Variants in ALK observed in about 807,000 individuals in gnomAD.
The protein encoded by ALK is ALK receptor tyrosine kinase.
In ALK, 74 loss-of-function variants were observed where a neutral mutation model predicts 163.1. The observed-to-expected ratio is 0.45, with a 90% CI of 0.38 to 0.55. The LOEUF (loss-of-function observed/expected upper bound fraction) is 0.55, where lower values mean the gene tolerates loss of function less well. Among genes scored for constraint, ALK ranks in the 20% least tolerant of loss-of-function variants. ALK has a pLI of 0.00. For missense variants in ALK, 2,063 were observed against 2,105.3 expected, an observed-to-expected ratio of 0.98 and a Z score of 0.39; for synonymous variants, 960 against 843.2, an observed-to-expected ratio of 1.14 and a Z score of -2.40.
intron 13 of ALK, among the ~76,000 whole-genome samples, chr2:29,234,600 C>T (rs1664319409): frequency 6.6e-6 from 1 of 152,060 alleles, no homozygotes; most frequent in Admixed American, 6.6e-5. Flanking sequence ...CTCCACCCAC[C>T]CTGGGAAACT....
chr2:29,522,715 C>T (rs1299267641), intron 4 of ALK, among the ~76,000 whole-genome samples: 3 of 152,060 alleles, frequency 2.0e-5, no homozygotes, highest in South Asian at 2.1e-4. Context: ...CAAAGAACCC[C>T]CACCCCATCT....
chr2:29,572,281 C>T (rs561763730), intron 3 of ALK, among the ~76,000 whole-genome samples: 2 of 152,304 alleles, frequency 1.3e-5, no homozygotes, highest in African/African-American at 4.8e-5. Flanking sequence ...GTGGAGAGGT[C>T]TTGAGCCCTG....
intron 2 of ALK, among the ~76,000 whole-genome samples, chr2:29,705,247 A>G (rs1356022667): frequency 5.8e-5 from 2 of 34,484 alleles, no homozygotes; most frequent in African/African-American, 3.7e-4. Context: ...AGAAATATAT[A>G]TATATATATA....
At chr2:29,659,347 G>A (rs958327951) in intron 3 of ALK, among the ~76,000 whole-genome samples, 2 of 151,940 alleles carry the variant, frequency 1.3e-5, no homozygotes, top group African/African-American at 2.4e-5. Context: ...AGGAAGGCAA[G>A]TGCATACCAC....
chr2:29,400,783 T>C (rs1018318400), intron 4 of ALK, among the ~76,000 whole-genome samples: 7 of 152,254 alleles, frequency 4.6e-5, no homozygotes, highest in Admixed American at 2.0e-4. Flanking sequence ...GAGACCAGCC[T>C]GACCAACATG....
At chr2:29,832,654 T>G (rs72856213) in intron 1 of ALK, among the ~76,000 whole-genome samples, 5,918 of 152,296 alleles carry the variant, frequency 0.039, 364 homozygotes, top group African/African-American at 0.13. Context: ...TTCAGCACAT[T>G]GGGCAAACCA....
At position 29,700,793 on chromosome 2, in the gene ALK, G is replaced by A. The variant is rs183899440; in HGVS notation, c.788-5779C>T. Among the ~76,000 whole-genome samples, 64 of 152,320 alleles carry A rather than the reference G, an allele frequency of 4.2e-4. No homozygotes were observed. In the East Asian group the frequency reaches 0.012, roughly 28 times the overall value. ...CAGGAAAATGTTGTGGTAAGTATCA[G>A]AAAACCACGGTGGTGACCCTGCCCA... On this transcript the variant is annotated intron_variant, in intron 2 of 28. Coordinates refer to ENST00000389048, the MANE Select transcript of ALK (RefSeq NM_004304.5).
chr2:29,305,033 G>A (rs570640038), intron 8 of ALK, among the ~76,000 whole-genome samples: 2 of 152,306 alleles, frequency 1.3e-5, no homozygotes, highest in South Asian at 4.1e-4. Flanking sequence ...ATTTCTCCAC[G>A]TGTTTCTAAA....
chr2:29,699,305 C>A (rs1029930306), intron 2 of ALK, among the ~76,000 whole-genome samples: 1 of 152,160 alleles, frequency 6.6e-6, no homozygotes, highest in African/African-American at 2.4e-5. Flanking sequence ...CATCACTGTA[C>A]CTCATCTGCA....
At chr2:29,765,268 T>C (rs544105266) in intron 1 of ALK, among the ~76,000 whole-genome samples, 255 of 152,300 alleles carry the variant, frequency 1.7e-3, no homozygotes, top group African/African-American at 6.0e-3. Context: ...CATGACTTTC[T>C]CACCTGAAAA....
chr2:29,558,977 T>C (rs10206197), intron 3 of ALK, among the ~76,000 whole-genome samples: 30,581 of 152,058 alleles, frequency 0.2, 3,635 homozygotes, highest in African/African-American at 0.32. Flanking sequence ...TAATTTTCTG[T>C]CCATATACAC....
intron 3 of ALK, among the ~76,000 whole-genome samples, chr2:29,636,243 G>T (rs568435113): frequency 2.8e-4 from 43 of 151,886 alleles, no homozygotes; most frequent in Non-Finnish European, 5.6e-4. Context: ...CTTGATAAAG[G>T]TACAAAAACA....
At chr2:29,208,374 C>T (rs567480683) in intron 25 of ALK, among the ~76,000 whole-genome samples, 24 of 152,124 alleles carry the variant, frequency 1.6e-4, no homozygotes, top group Non-Finnish European at 2.5e-4. Flanking sequence ...TGGGAGCTGT[C>T]AGAGCTGAGC....
At chr2:29,764,281 G>A (rs1680796443) in intron 1 of ALK, among the ~76,000 whole-genome samples, 1 of 152,138 alleles carries the variant, frequency 6.6e-6, no homozygotes, top group East Asian at 1.9e-4. Context: ...AGCCAGAGAG[G>A]TGCCTGGGGG....
At chr2:29,387,147 G>A (rs1021383205) in intron 4 of ALK, among the ~76,000 whole-genome samples, 1 of 152,122 alleles carries the variant, frequency 6.6e-6, no homozygotes, top group African/African-American at 2.4e-5. Flanking sequence ...TGGACTTTAG[G>A]AAGTCAGGGG....
At chr2:29,252,512 G>A (rs900190681) in intron 11 of ALK, among the ~76,000 whole-genome samples, 7 of 152,144 alleles carry the variant, frequency 4.6e-5, no homozygotes, top group Admixed American at 2.6e-4. Flanking sequence ...TTGGGTTGCC[G>A]ATTATAAGCA....
intron 4 of ALK, among the ~76,000 whole-genome samples, chr2:29,483,553 C>CA (rs1305675972): frequency 6.6e-6 from 1 of 152,138 alleles, no homozygotes; most frequent in African/African-American, 2.4e-5. Flanking sequence ...TGAAAAGCCC[C>CA]AAGACAGTTC....
rs1472378906 is a variant in ALK, at chr2:29,227,065, C to G, written c.2924G>C (p.Gly975Ala). ...ATGCTTAATATTCACTTCCCCGTGGCCTTCCATCACTAGTGACAAGGAGGG... is the reference window on the plus strand; with the variant it reads ...ATGCTTAATATTCACTTCCCCGTGGGCTTCCATCACTAGTGACAAGGAGGG... ...LYTPALKVME[G>A]HGEVNIKHYL... The change falls in exon 18 of 29, where the codon GGC becomes GCC. Residue 975 changes from glycine to alanine, a missense_variant. This residue lies in a region of ALK where 575 missense variants were observed against 626.6 expected (regional missense o/e 0.92). Transcript: ENST00000389048. The surrounding 1 kb of genome is among the most constrained non-coding windows in gnomAD (Gnocchi z 4.4). 6.2e-7 allele frequency: 1 copy of G among 1,614,052 alleles called. No homozygotes were observed. The highest frequency in any genetic ancestry group is 8.5e-7 in the Non-Finnish European group (1 of 1,180,048).
chr2:29,406,367 T>C (rs780758590), intron 4 of ALK, among the ~76,000 whole-genome samples: 15 of 152,206 alleles, frequency 9.9e-5, no homozygotes, highest in Non-Finnish European at 1.9e-4. Context: ...AACCCTTTTG[T>C]ATAAGGACTT....
Sources: gnomAD v4.1 joint callset for allele counts (sites outside exome capture counted in the v4.1 genomes callset) on GRCh38, gnomAD v4.1.1 for gene constraint, gnomAD v4.1.1 regional missense constraint, Gnocchi (gnomAD v3.1) non-coding constraint, MANE v1.5 for transcripts, NCBI Gene and HGNC (gene_info 2026-07-23, HGNC 2026-07-21) for gene names.